Variants in LRRTM4 observed in about 807,000 individuals in gnomAD.
The protein encoded by LRRTM4 is leucine rich repeat transmembrane neuronal 4.
A neutral mutation model predicts 47.6 loss-of-function variants in LRRTM4; 25 were observed. That is an observed-to-expected ratio of 0.53 (90% CI 0.38 to 0.73). The LOEUF (loss-of-function observed/expected upper bound fraction) is 0.73. Among genes scored for constraint, LRRTM4 ranks in the 30% least tolerant of loss-of-function variants. The probability of loss-of-function intolerance (pLI) is 0.00; values close to 1 mark genes in which losing one functional copy is unlikely to be tolerated. For missense variants in LRRTM4, 638 were observed against 713.4 expected, an observed-to-expected ratio of 0.89 and a Z score of 1.20; for synonymous variants, 311 against 269.5, an observed-to-expected ratio of 1.15 and a Z score of -1.51.
At chr2:76,993,644 T>C (rs974704359) in intron 3 of LRRTM4, among the ~76,000 whole-genome samples, 6 of 151,954 alleles carry the variant, frequency 3.9e-5, no homozygotes, top group Non-Finnish European at 7.4e-5. Context: ...GGAATGCTTA[T>C]ACGCTCTTCA....
At chr2:77,027,489 G>C (rs1466638403) in intron 3 of LRRTM4, among the ~76,000 whole-genome samples, 1 of 152,134 alleles carries the variant, frequency 6.6e-6, no homozygotes, top group Admixed American at 6.6e-5. Flanking sequence ...GGCAGCAATA[G>C]AATGAGTGAG....
chr2:77,477,146 A>G (rs1677432367), intron 3 of LRRTM4, among the ~76,000 whole-genome samples: 1 of 152,084 alleles, frequency 6.6e-6, no homozygotes, highest in African/African-American at 2.4e-5. Flanking sequence ...AGACCATATA[A>G]GGCATTCATT....
intron 3 of LRRTM4, among the ~76,000 whole-genome samples, chr2:76,874,638 T>C (rs896154249): frequency 6.6e-6 from 1 of 151,918 alleles, no homozygotes. Context: ...TGATCATTGA[T>C]GTTATTTCTA....
chr2:76,962,596 C>A (rs1299010721), intron 3 of LRRTM4, among the ~76,000 whole-genome samples: 2 of 149,914 alleles, frequency 1.3e-5, no homozygotes, highest in Non-Finnish European at 3.0e-5. Flanking sequence ...ATTTAAAACC[C>A]ACGTATGTAT....
chr2:76,899,797 G>A (rs1673559313), intron 3 of LRRTM4, among the ~76,000 whole-genome samples: 1 of 152,188 alleles, frequency 6.6e-6, no homozygotes, highest in Non-Finnish European at 1.5e-5. Flanking sequence ...ATAACAAAAA[G>A]TAATTCACTA....
intron 3 of LRRTM4, among the ~76,000 whole-genome samples, chr2:77,244,665 T>A (rs960325967): frequency 6.6e-6 from 1 of 151,884 alleles, no homozygotes; most frequent in Non-Finnish European, 1.5e-5. Flanking sequence ...TCATAAGAAA[T>A]AAAATGTGGC....
At chr2:77,352,054 A>T (rs1321622731) in intron 3 of LRRTM4, among the ~76,000 whole-genome samples, 1 of 152,130 alleles carries the variant, frequency 6.6e-6, no homozygotes, top group Non-Finnish European at 1.5e-5. Flanking sequence ...CTGCATAAAG[A>T]TGTCATAATC....
At chr2:76,807,367 T>G (rs1670516755) in intron 3 of LRRTM4, among the ~76,000 whole-genome samples, 1 of 144,444 alleles carries the variant, frequency 6.9e-6, no homozygotes, top group Non-Finnish European at 1.5e-5. Flanking sequence ...AGAATATGCA[T>G]TATAAACATT....
intron 3 of LRRTM4, among the ~76,000 whole-genome samples, chr2:77,343,221 T>C (rs1382866266): frequency 6.6e-6 from 1 of 151,980 alleles, no homozygotes; most frequent in Admixed American, 6.6e-5. Context: ...GATATTTTTT[T>C]CCGTAGAAAA....
intron 3 of LRRTM4, chr2:77,009,022 A>G (rs565456261): frequency 9.2e-5 from 14 of 152,126 alleles, no homozygotes; most frequent in Admixed American, 8.5e-4. Context: ...TTTCATTCAC[A>G]GAGTGTGAAC....
intron 3 of LRRTM4, among the ~76,000 whole-genome samples, chr2:77,056,494 A>G (rs1474666743): frequency 1.3e-5 from 2 of 152,288 alleles, no homozygotes; most frequent in African/African-American, 2.4e-5. Context: ...AACAGAATAC[A>G]TAATAAATGA....
chr2:77,376,480 T>C (rs915102519), intron 3 of LRRTM4, among the ~76,000 whole-genome samples: 3 of 151,184 alleles, frequency 2.0e-5, no homozygotes, highest in Non-Finnish European at 4.4e-5. Context: ...CCACATTACA[T>C]ATCCTCATAT....
At chr2:77,509,720 T>G (rs1049173502) in intron 3 of LRRTM4, among the ~76,000 whole-genome samples, 6 of 152,204 alleles carry the variant, frequency 3.9e-5, no homozygotes, top group African/African-American at 1.4e-4. Flanking sequence ...GAGTGGTTTC[T>G]GAATAGTACC....
chr2:77,407,934 GA>G (rs1674278008), intron 3 of LRRTM4, among the ~76,000 whole-genome samples: 1 of 151,262 alleles, frequency 6.6e-6, no homozygotes, highest in African/African-American at 2.4e-5. Flanking sequence ...GGCAACAGAG[GA>G]AACAAATCAC....
chr2:77,464,685 C>T (rs1196169692), intron 3 of LRRTM4, among the ~76,000 whole-genome samples: 1 of 151,990 alleles, frequency 6.6e-6, no homozygotes, highest in African/African-American at 2.4e-5. Flanking sequence ...GTGGTGAGGT[C>T]TGATATCATG....
At chr2:77,393,447 G>T (rs1195538514) in intron 3 of LRRTM4, among the ~76,000 whole-genome samples, 1 of 151,962 alleles carries the variant, frequency 6.6e-6, no homozygotes, top group Non-Finnish European at 1.5e-5. Context: ...AAAAGGTGAG[G>T]TTGAGAAGAT....
intron 3 of LRRTM4, among the ~76,000 whole-genome samples, chr2:77,170,572 T>C (rs1310515499): frequency 6.6e-6 from 1 of 152,114 alleles, no homozygotes; most frequent in African/African-American, 2.4e-5. Context: ...GACATTATGT[T>C]TGTAGTAACT....
intron 3 of LRRTM4, among the ~76,000 whole-genome samples, chr2:76,965,407 C>G (rs559705312): frequency 1.3e-5 from 2 of 151,108 alleles, no homozygotes; most frequent in Admixed American, 6.6e-5. Context: ...ATATGAAAAT[C>G]AATTTATGTT....
chr2:77,219,410 C>T (rs1674554065), intron 3 of LRRTM4, among the ~76,000 whole-genome samples: 2 of 152,088 alleles, frequency 1.3e-5, no homozygotes, highest in Admixed American at 6.6e-5. Context: ...CAAATCCCTT[C>T]CCCCAGAAGT....
Sources: allele counts gnomAD v4.1 joint callset (sites outside exome capture counted in the v4.1 genomes callset), GRCh38; gene constraint gnomAD v4.1.1; transcripts MANE v1.5; gene names NCBI Gene and HGNC (gene_info 2026-07-23, HGNC 2026-07-21).